NT5DC3: variants seen among roughly 807,000 people sequenced by gnomAD.
NT5DC3 encodes 5'-nucleotidase domain-containing protein 3.
In NT5DC3, 42 loss-of-function variants were observed where a neutral mutation model predicts 67.8. The ratio of observed to expected loss-of-function variants is 0.62; its 90% CI spans 0.48 to 0.80. NT5DC3 has a LOEUF of 0.80. Ranked by LOEUF, NT5DC3 falls within the 30% of genes least tolerant of loss-of-function variation. The pLI, the probability that NT5DC3 is intolerant of heterozygous loss-of-function variation, is 0.00. For missense variants in NT5DC3, 570 were observed against 696.4 expected (o/e 0.82, Z 2.04); for synonymous variants, 237 against 255.6 (o/e 0.93, Z 0.69).
At chr12:103,836,032 A>T (rs1296974563) in intron 1 of NT5DC3, among the ~76,000 whole-genome samples, 10 of 152,270 alleles carry the variant, frequency 6.6e-5, no homozygotes, top group South Asian at 4.1e-4. Context: ...AGACTTATTC[A>T]CTATCACGAG....
chr12:103,798,100 G>A (rs900566363), intron 5 of NT5DC3, among the ~76,000 whole-genome samples: 2 of 152,084 alleles, frequency 1.3e-5, no homozygotes, highest in Non-Finnish European at 2.9e-5. Context: ...ACCGAGCATC[G>A]TCCATTTCAT....
chr12:103,840,079 G>A (rs1350019926), intron 1 of NT5DC3, among the ~76,000 whole-genome samples: 4 of 152,186 alleles, frequency 2.6e-5, no homozygotes, highest in African/African-American at 9.7e-5. Flanking sequence ...AGCTGAGACA[G>A]TCCCTAAATT....
At chr12:103,759,074 A>G in the NT5DC3 span, 1 of 1,613,736 alleles carries the variant, frequency 6.2e-7, no homozygotes, top group Non-Finnish European at 8.5e-7. Flanking sequence ...CCCATCATTA[A>G]AAAGACAAAA....
intron 4 of NT5DC3, among the ~76,000 whole-genome samples, chr12:103,799,425 G>A (rs919161388): frequency 1.3e-5 from 2 of 152,144 alleles, no homozygotes; most frequent in African/African-American, 4.8e-5. Flanking sequence ...GAAATCTGAT[G>A]ATTTTATTAG....
At chr12:103,804,141 G>A (rs541900683) in intron 4 of NT5DC3, among the ~76,000 whole-genome samples, 12 of 152,004 alleles carry the variant, frequency 7.9e-5, no homozygotes, top group South Asian at 2.1e-4. Flanking sequence ...TTTGCTAGTC[G>A]CTATTAGTAA....
At chr12:103,825,415 T>C (rs895174143) in intron 1 of NT5DC3, among the ~76,000 whole-genome samples, 3 of 152,118 alleles carry the variant, frequency 2.0e-5, no homozygotes, top group Non-Finnish European at 2.9e-5. Flanking sequence ...GACAACCTAA[T>C]CTTTAAAAAA....
At chr12:103,755,729 T>C in the NT5DC3 span, 1 of 1,613,682 alleles carries the variant, frequency 6.2e-7, no homozygotes, top group Non-Finnish European at 8.5e-7. Flanking sequence ...GTATGTACCA[T>C]GTCTGCTTGG....
intron 5 of NT5DC3, 112 bp from the exon 6 acceptor site, chr12:103,797,143 C>A: frequency 8.9e-7 from 1 of 1,128,292 alleles, no homozygotes; most frequent in Non-Finnish European, 1.3e-6. Context: ...GAGATCCCAT[C>A]ATCAACACAA....
chr12:103,749,482 C>G, the NT5DC3 span, among the ~76,000 whole-genome samples: 1 of 152,022 alleles, frequency 6.6e-6, no homozygotes, highest in East Asian at 1.9e-4. Flanking sequence ...GGAGAGTTTG[C>G]TCTTTGGCCA....
downstream of NT5DC3, chr12:103,770,769 TG>T (rs1338297633): frequency 6.6e-6 from 1 of 152,278 alleles, no homozygotes; most frequent in Non-Finnish European, 1.5e-5. Context: ...TGCTATGGTC[TG>T]AATGTTTGTG....
chr12:103,838,353 C>T (rs1213067230), intron 1 of NT5DC3, among the ~76,000 whole-genome samples: 1 of 152,164 alleles, frequency 6.6e-6, no homozygotes, highest in Non-Finnish European at 1.5e-5. Flanking sequence ...GTCCTAAATG[C>T]CTTTCATGGA....
intron 1 of NT5DC3, among the ~76,000 whole-genome samples, chr12:103,823,077 T>C (rs1887555242): frequency 1.3e-5 from 2 of 152,180 alleles, no homozygotes; most frequent in Admixed American, 1.3e-4. Context: ...GACACTAAGA[T>C]GGCATTTTTC....
chr12:103,746,621 C>T, the NT5DC3 span: 2 of 1,614,152 alleles, frequency 1.2e-6, no homozygotes, highest in East Asian at 4.5e-5. Context: ...TGTACGCCTC[C>T]TTGTTCTGCT....
chr12:103,783,899 G>C (rs1211177668), intron 12 of NT5DC3, among the ~76,000 whole-genome samples: 2 of 152,086 alleles, frequency 1.3e-5, no homozygotes, highest in Non-Finnish European at 2.9e-5. Flanking sequence ...ATTTCACTGA[G>C]GGTGAGTCAA....
chr12:103,816,499 G>C (rs1011022021), intron 1 of NT5DC3, among the ~76,000 whole-genome samples: 1 of 152,152 alleles, frequency 6.6e-6, no homozygotes, highest in African/African-American at 2.4e-5. Context: ...GTTTGTAGAC[G>C]TGTGACTACC....
At chr12:103,757,044 T>TTTAA in the NT5DC3 span, among the ~76,000 whole-genome samples, 1 of 144,360 alleles carries the variant, frequency 6.9e-6, no homozygotes, top group Non-Finnish European at 1.5e-5. Flanking sequence ...ATATATATAT[T>TTTAA]AAAGTATGTA....
At chr12:103,761,373 T>C in the NT5DC3 span, 1 of 1,613,922 alleles carries the variant, frequency 6.2e-7, no homozygotes, top group Admixed American at 1.7e-5. Flanking sequence ...ATCATTCATG[T>C]CATTTCCAGG....
At chr12:103,780,549 T>TA (rs979747692) in intron 12 of NT5DC3, among the ~76,000 whole-genome samples, 185 bp from the exon 13 acceptor site, 1 of 152,224 alleles carries the variant, frequency 6.6e-6, no homozygotes, top group African/African-American at 2.4e-5. Context: ...TCTTCATGAA[T>TA]AAAAAATTGT....
chr12:103,765,343 C>G, the NT5DC3 span, among the ~76,000 whole-genome samples: 2 of 152,190 alleles, frequency 1.3e-5, no homozygotes, highest in Non-Finnish European at 2.9e-5. Flanking sequence ...ACTATTCAGA[C>G]TACATGGCAA....
Sources: allele counts gnomAD v4.1 joint callset (sites outside exome capture counted in the v4.1 genomes callset), GRCh38; gene constraint gnomAD v4.1.1; transcripts MANE v1.5; gene names NCBI Gene and HGNC (gene_info 2026-07-23, HGNC 2026-07-21).